Variants in MTSS1 observed in about 807,000 individuals in gnomAD.
The protein encoded by MTSS1 is MTSS I-BAR domain containing 1.
Under a neutral mutation model 79.0 loss-of-function variants are expected in MTSS1, and 18 were observed. That is an observed-to-expected ratio of 0.23 (90% CI 0.16 to 0.34). MTSS1 has a LOEUF of 0.34. Among genes scored for constraint, MTSS1 ranks in the 10% least tolerant of loss-of-function variants. The pLI is 1.00. For synonymous variants in MTSS1, 341 were observed against 368.6 expected, an observed-to-expected ratio of 0.93 and a Z score of 0.86; for missense variants, 815 against 986.2, an observed-to-expected ratio of 0.83 and a Z score of 2.33.
At chr8:124,639,530 G>A (rs973422826) in intron 3 of MTSS1, among the ~76,000 whole-genome samples, 1 of 151,880 alleles carries the variant, frequency 6.6e-6, no homozygotes, top group Non-Finnish European at 1.5e-5. Context: ...AGGCTGGAGT[G>A]CAGTAGCACT....
At chr8:124,635,984 C>A (rs1239085720) in intron 3 of MTSS1, among the ~76,000 whole-genome samples, 2 of 152,158 alleles carry the variant, frequency 1.3e-5, no homozygotes, top group Non-Finnish European at 2.9e-5. Context: ...CATTAAAAGA[C>A]ACAAAGGCAG....
At chr8:124,711,142 G>A (rs1831105332) in intron 1 of MTSS1, among the ~76,000 whole-genome samples, 1 of 152,196 alleles carries the variant, frequency 6.6e-6, no homozygotes, top group African/African-American at 2.4e-5. Flanking sequence ...AGAGTTGCCA[G>A]GTGCCAGGTA....
intron 3 of MTSS1, among the ~76,000 whole-genome samples, chr8:124,669,250 C>T (rs112985970): frequency 1.3e-3 from 194 of 152,304 alleles, no homozygotes; most frequent in African/African-American, 3.8e-3. Context: ...TCTAATTAAA[C>T]AAACAATTAG....
intron 3 of MTSS1, among the ~76,000 whole-genome samples, chr8:124,619,961 T>G (rs1445437818): frequency 6.6e-6 from 1 of 151,356 alleles, no homozygotes; most frequent in East Asian, 2.0e-4. Flanking sequence ...TCTTTTCTTT[T>G]CTTTTTGAAG....
chr8:124,675,913 G>C (rs1013765287), intron 3 of MTSS1, among the ~76,000 whole-genome samples: 1 of 152,162 alleles, frequency 6.6e-6, no homozygotes, highest in African/African-American at 2.4e-5. Flanking sequence ...AGATGTTTCC[G>C]CCTTTTGGTT....
intron 3 of MTSS1, among the ~76,000 whole-genome samples, chr8:124,659,173 T>C (rs1821538205): frequency 6.6e-6 from 1 of 152,098 alleles, no homozygotes; most frequent in African/African-American, 2.4e-5. Flanking sequence ...GATGATTCGA[T>C]GAAATGAATA....
intron 1 of MTSS1, among the ~76,000 whole-genome samples, chr8:124,715,233 A>C (rs1459087976): frequency 1.3e-5 from 2 of 152,038 alleles, no homozygotes; most frequent in African/African-American, 4.8e-5. Context: ...CAGACACACA[A>C]ACACCCTCTA....
chr8:124,678,321 G>T (rs1204934291), intron 3 of MTSS1, among the ~76,000 whole-genome samples: 1 of 152,192 alleles, frequency 6.6e-6, no homozygotes, highest in Non-Finnish European at 1.5e-5. Context: ...CAGTTAAGAG[G>T]AGACCTAAAA....
At chr8:124,569,809 G>C (rs780978951) in intron 6 of MTSS1, among the ~76,000 whole-genome samples, 1 of 152,338 alleles carries the variant, frequency 6.6e-6, no homozygotes, top group East Asian at 1.9e-4. Context: ...TGGAGACCAA[G>C]TCCTAGAGAA....
Position 124,568,400 on chromosome 8 carries a change from G to A in MTSS1, c.597C>T (p.Ile199=), listed in dbSNP as rs370383331. 22 of 1,613,906 alleles carry A rather than the reference G, an allele frequency of 1.4e-5. No individual in the cohort carries two copies. Among genetic ancestry groups the A allele is most frequent in the Admixed American group, 1.7e-5 (1 of 60,004 alleles). Residue 199 remains isoleucine (I), a synonymous_variant, in exon 7 of 14, where the codon ATC becomes ATT. Transcript: ENST00000518547. The stretch of plus-strand genomic sequence containing the variant: ...TTACAATCACTGGCCGCAGCATAGA[G>A]ATGAAGGTACAGAATCGGCCACGTT... ...IEERGRFCTF[I]SMLRPVIEEE... is the part of the protein sequence containing the mutation.
At chr8:124,569,838 G>A (rs538646782) in intron 6 of MTSS1, among the ~76,000 whole-genome samples, 1 of 152,314 alleles carries the variant, frequency 6.6e-6, no homozygotes, top group East Asian at 1.9e-4. Flanking sequence ...ACTCACCTAA[G>A]GTCACAGAAA....
intron 3 of MTSS1, among the ~76,000 whole-genome samples, chr8:124,608,238 A>G (rs906832286): frequency 3.9e-5 from 6 of 151,952 alleles, no homozygotes; most frequent in Admixed American, 3.9e-4. Flanking sequence ...CCCCACACCC[A>G]CTTTATTAAC....
chr8:124,586,398 C>G (rs1830859723), intron 5 of MTSS1, among the ~76,000 whole-genome samples: 1 of 152,216 alleles, frequency 6.6e-6, no homozygotes, highest in African/African-American at 2.4e-5. Context: ...GTGATGAAAC[C>G]ATGTACACCT....
intron 3 of MTSS1, among the ~76,000 whole-genome samples, chr8:124,674,409 T>C (rs1448195670): frequency 6.6e-6 from 1 of 152,204 alleles, no homozygotes; most frequent in African/African-American, 2.4e-5. Flanking sequence ...CGCCAGGAGC[T>C]GTCAGCCTTG....
chr8:124,596,784 T>G (rs949346767), intron 3 of MTSS1, among the ~76,000 whole-genome samples: 1 of 152,176 alleles, frequency 6.6e-6, no homozygotes, highest in Non-Finnish European at 1.5e-5. Context: ...ATTCCTTGGC[T>G]TGCAGCTGCA....
chr8:124,728,246 C>A lies in MTSS1; in HGVS notation c.-291G>T. 3.5e-6 allele frequency: 1 copy of A among 286,340 alleles called. No homozygotes were observed. The highest frequency in any genetic ancestry group is 6.4e-6 in the Non-Finnish European group (1 of 155,202). 17.7% of individuals were successfully genotyped at this position (286,340 alleles called of 1,614,324 possible). On this transcript the variant is annotated 5_prime_UTR_variant, in exon 1 of 14. Transcript: ENST00000518547. This position sits in a 1 kb window ranked among gnomAD's most constrained non-coding sequence, Gnocchi z 6.1. Reference sequence around the variant, plus strand: ...TGACAATCAGGCCACCACTGGTGCCCACTACGGAAACGGCAAAGCCCATCT... The same window carrying A: ...TGACAATCAGGCCACCACTGGTGCCAACTACGGAAACGGCAAAGCCCATCT...
At chr8:124,670,731 A>G (rs1423509157) in intron 3 of MTSS1, among the ~76,000 whole-genome samples, 1 of 152,176 alleles carries the variant, frequency 6.6e-6, no homozygotes. Context: ...ACAAGCAATA[A>G]AAAGAGCTCC....
chr8:124,607,543 A>G (rs1587227802), intron 3 of MTSS1, among the ~76,000 whole-genome samples: 1 of 152,210 alleles, frequency 6.6e-6, no homozygotes, highest in Non-Finnish European at 1.5e-5. Context: ...ACCATTCAAC[A>G]GAGAAAGCAA....
chr8:124,632,279 C>CAAAAAAAAA (rs59976165), intron 3 of MTSS1, among the ~76,000 whole-genome samples: 2 of 69,170 alleles, frequency 2.9e-5, no homozygotes, highest in African/African-American at 9.6e-5. Flanking sequence ...GACTCTGTCT[C>CAAAAAAAAA]AAAAAAAAAA....
Sources: gnomAD v4.1 joint callset for allele counts (sites outside exome capture counted in the v4.1 genomes callset) on GRCh38, gnomAD v4.1.1 for gene constraint, Gnocchi (gnomAD v3.1) non-coding constraint, MANE v1.5 for transcripts, NCBI Gene and HGNC (gene_info 2026-07-23, HGNC 2026-07-21) for gene names.